The following NTM variants were observed in gnomAD, a reference collection of about 807,000 sequenced individuals.
NTM encodes neurotrimin.
In NTM, 13 loss-of-function variants were observed where a neutral mutation model predicts 42.1. The ratio of observed to expected loss-of-function variants is 0.31; its 90% CI spans 0.20 to 0.49. The LOEUF (loss-of-function observed/expected upper bound fraction) is 0.49, where lower values mean the gene tolerates loss of function less well. NTM is among the 20% of genes least tolerant of loss of function. The pLI, the probability that NTM is intolerant of heterozygous loss-of-function variation, is 0.99. For missense variants in NTM, 373 were observed against 452.8 expected (o/e 0.82, Z 1.60); for synonymous variants, 187 against 179.2 (o/e 1.04, Z -0.35).
At chr11:131,787,688 G>A (rs2089498625) in intron 1 of NTM, among the ~76,000 whole-genome samples, 1 of 151,976 alleles carries the variant, frequency 6.6e-6, no homozygotes. Flanking sequence ...GGCCAATACT[G>A]GATTTTTAAA....
intron 2 of NTM, among the ~76,000 whole-genome samples, chr11:131,993,034 G>A (rs1258519752): frequency 1.3e-5 from 2 of 152,134 alleles, no homozygotes; most frequent in African/African-American, 4.8e-5. Context: ...TAGATCTAGG[G>A]CAGGGTCTGA....
chr11:131,598,793 CTTTCTTT>C lies in NTM; in HGVS notation c.82+227908_82+227914del, dbSNP rs1565686033. ...TTCTTTCTTTCTTTCTTCTTTCTTT[CTTTCTTT>C]TTCTTTCTTTCTTCTTTCTTTCTTT... On this transcript the variant is annotated intron_variant, in intron 1 of 8. Transcript: ENST00000683400. Among the ~76,000 whole-genome samples, 8 of 83,652 alleles carry C rather than the reference CTTTCTTT, an allele frequency of 9.6e-5. 1 individual carries two copies. The highest frequency in any genetic ancestry group is 2.9e-4 in the African/African-American group (8 of 27,326). 54.9% of individuals were successfully genotyped at this position (83,652 alleles called of 152,430 possible).
chr11:131,454,878 A>G (rs772961416), intron 1 of NTM, among the ~76,000 whole-genome samples: 5 of 152,154 alleles, frequency 3.3e-5, no homozygotes, highest in Non-Finnish European at 7.4e-5. Context: ...AAATAATTTT[A>G]AATGAAACTG....
At chr11:131,822,544 C>T (rs376668601) in intron 1 of NTM, among the ~76,000 whole-genome samples, 1 of 152,122 alleles carries the variant, frequency 6.6e-6, no homozygotes, top group East Asian at 1.9e-4. Context: ...GCTTTTCTTC[C>T]TTTGTAAAAC....
chr11:131,944,731 T>C (rs1240639637), intron 2 of NTM, among the ~76,000 whole-genome samples: 1 of 152,214 alleles, frequency 6.6e-6, no homozygotes. Flanking sequence ...AATTATTTAT[T>C]TAAGCAAATG....
In NTM at chr11:131,789,648, GA is replaced by G. The variant is rs1317485422; in HGVS notation, c.83-121914del. ...AAGAAGAAGAAGAAAAGAAGAAGAA[GA>G]AGAAGAAGAAGAAGAAGAAAGCATG... On this transcript the variant is annotated intron_variant, in intron 1 of 8. Transcript: ENST00000683400. 1.5e-5 allele frequency among the ~76,000 whole-genome samples: 2 copies of G among 134,966 alleles called. 1 individual carries two copies. The highest frequency in any genetic ancestry group is 5.7e-5 in the African/African-American group (2 of 35,304). 88.5% of individuals were successfully genotyped at this position (134,966 alleles called of 152,430 possible).
intron 7 of NTM, among the ~76,000 whole-genome samples, chr11:132,323,642 T>C (rs889742127): frequency 2.0e-5 from 3 of 152,050 alleles, no homozygotes; most frequent in East Asian, 1.9e-4. Context: ...TTCTAATCAA[T>C]AGAAAAAGAG....
At position 131,482,297 on chromosome 11, in the gene NTM, C is replaced by A. The variant is rs146653466; in HGVS notation, c.82+111409C>A. Among the ~76,000 whole-genome samples, 657 of 152,340 alleles carry A rather than the reference C, an allele frequency of 4.3e-3. 2 individuals carry two copies. The highest frequency in any genetic ancestry group is 6.3e-3 in the Non-Finnish European group (426 of 68,030). Reference sequence around the variant, plus strand: ...TGTCCAGCTCTTGATTCCCCCCACCCATCACAATCTTCAGGTGTAGTGTAT... The same window carrying A: ...TGTCCAGCTCTTGATTCCCCCCACCAATCACAATCTTCAGGTGTAGTGTAT... On this transcript the variant is annotated intron_variant, in intron 1 of 8. Transcript: ENST00000683400.
At chr11:132,147,521 A>G (rs762367701) in intron 3 of NTM, among the ~76,000 whole-genome samples, 1 of 151,924 alleles carries the variant, frequency 6.6e-6, no homozygotes, top group African/African-American at 2.4e-5. Flanking sequence ...CGTGGCACAT[A>G]CAAGTGCTAT....
chr11:131,860,812 T>A (rs942447107), intron 1 of NTM, among the ~76,000 whole-genome samples: 2 of 152,142 alleles, frequency 1.3e-5, no homozygotes, highest in African/African-American at 4.8e-5. Context: ...TCTTTCTGAT[T>A]TGCACAACCT....
intron 5 of NTM, among the ~76,000 whole-genome samples, chr11:132,309,891 GCTAAAAATACAAAA>G (rs2095226645): frequency 6.6e-6 from 1 of 151,906 alleles, no homozygotes; most frequent in South Asian, 2.1e-4. Context: ...CCCCGTCGCT[GCTAAAAATACAAAA>G]ATTAGGCAGG....
chr11:131,453,037 G>A (rs1370591934), intron 1 of NTM, among the ~76,000 whole-genome samples: 1 of 152,176 alleles, frequency 6.6e-6, no homozygotes, highest in Non-Finnish European at 1.5e-5. Flanking sequence ...AATGGCTCCA[G>A]CTCAGCAGAG....
chr11:132,264,475 T>C (rs970621493), intron 4 of NTM, among the ~76,000 whole-genome samples: 3 of 152,236 alleles, frequency 2.0e-5, no homozygotes, highest in African/African-American at 7.2e-5. Context: ...CTTTATTTTA[T>C]AGTATCATTT....
intron 1 of NTM, among the ~76,000 whole-genome samples, chr11:131,440,381 G>A (rs1949516517): frequency 6.6e-6 from 1 of 152,182 alleles, no homozygotes; most frequent in Non-Finnish European, 1.5e-5. Flanking sequence ...GATCCCTCAA[G>A]TGTCAGTAAT....
intron 4 of NTM, among the ~76,000 whole-genome samples, chr11:132,275,188 C>T (rs1278129646): frequency 2.6e-5 from 4 of 152,048 alleles, no homozygotes; most frequent in Non-Finnish European, 5.9e-5. Context: ...TTTAGATGTA[C>T]AATCCATTTC....
intron 2 of NTM, among the ~76,000 whole-genome samples, chr11:132,088,311 TGAAAG>T (rs927976531): frequency 2.0e-5 from 3 of 152,114 alleles, no homozygotes; most frequent in Admixed American, 6.5e-5. Context: ...AGCTCAGAAA[TGAAAG>T]GGAAAGATAT....
At chr11:131,821,729 G>A (rs900429884) in intron 1 of NTM, among the ~76,000 whole-genome samples, 2 of 152,174 alleles carry the variant, frequency 1.3e-5, no homozygotes, top group African/African-American at 4.8e-5. Flanking sequence ...GGGCTCTGGG[G>A]CTGGGGAGAA....
chr11:132,016,608 A>G (rs2073457049), intron 2 of NTM, among the ~76,000 whole-genome samples: 1 of 151,974 alleles, frequency 6.6e-6, no homozygotes, highest in Non-Finnish European at 1.5e-5. Flanking sequence ...ATGAACATTC[A>G]CCTACATGTC....
chr11:131,625,409 G>C, intron 1 of NTM, among the ~76,000 whole-genome samples: 1 of 152,206 alleles, frequency 6.6e-6, no homozygotes, highest in South Asian at 2.1e-4. Flanking sequence ...ATCCACAAAA[G>C]GCAATCCAGT....
Sources: allele counts gnomAD v4.1 joint callset (sites outside exome capture counted in the v4.1 genomes callset), GRCh38; gene constraint gnomAD v4.1.1; transcripts MANE v1.5; gene names NCBI Gene and HGNC (gene_info 2026-07-23, HGNC 2026-07-21).